The following AGBL1 variants were observed in gnomAD, a reference collection of about 807,000 sequenced individuals.
AGBL1 encodes AGBL carboxypeptidase 1.
A neutral mutation model predicts 118.9 loss-of-function variants in AGBL1; 130 were observed. The ratio of observed to expected loss-of-function variants is 1.09; its 90% CI spans 0.95 to 1.26. The LOEUF is 1.26. Ranked by LOEUF, AGBL1 falls within the 50% of genes most tolerant of loss-of-function variation. AGBL1 has a pLI of 0.00. For missense variants in AGBL1, 1,584 were observed against 1,298.1 expected, an observed-to-expected ratio of 1.22 and a Z score of -3.38; for synonymous variants, 555 against 478.9, an observed-to-expected ratio of 1.16 and a Z score of -2.08.
rs181525463 is a variant in AGBL1 at position 86,259,679 on chromosome 15, C to T, written c.969+1648C>T. Among the ~76,000 whole-genome samples the T allele has an allele frequency of 3.3e-5, 5 of 152,326 alleles. No homozygotes were observed. In the East Asian group the frequency reaches 7.7e-4, roughly 24 times the overall value. ...AAATAGAATCATTTCTGAAGTCATCCGTAGCAAATTGGATCTTTGCTGTGG... is the reference window on the plus strand; with the variant it reads ...AAATAGAATCATTTCTGAAGTCATCTGTAGCAAATTGGATCTTTGCTGTGG... On this transcript the variant is annotated intron_variant, in intron 9 of 22. Coordinates refer to ENST00000614907, the MANE Select transcript of AGBL1 (RefSeq NM_001386094.1).
intron 1 of AGBL1, among the ~76,000 whole-genome samples, chr15:86,123,327 C>A (rs544691357): frequency 1.3e-5 from 2 of 152,296 alleles, no homozygotes; most frequent in African/African-American, 4.8e-5. Flanking sequence ...GCAACCTCTG[C>A]CTCCCAGGTT....
chr15:86,475,389 G>A (rs543359404), intron 18 of AGBL1, among the ~76,000 whole-genome samples: 152 of 152,284 alleles, frequency 1.0e-3, no homozygotes, highest in African/African-American at 3.6e-3. Context: ...ATGACCTGAT[G>A]GAGCTGAAAA....
intron 22 of AGBL1, among the ~76,000 whole-genome samples, chr15:86,855,480 T>C (rs1270469389): frequency 6.6e-6 from 1 of 152,206 alleles, no homozygotes; most frequent in African/African-American, 2.4e-5. Context: ...CCAGTAGATC[T>C]CTTGCTGAAT....
intron 5 of AGBL1, among the ~76,000 whole-genome samples, chr15:86,197,621 A>G (rs1489434166): frequency 1.3e-5 from 2 of 152,360 alleles, no homozygotes; most frequent in East Asian, 3.9e-4. Context: ...AAATTGACAA[A>G]GGAATTGTTA....
intron 18 of AGBL1, among the ~76,000 whole-genome samples, chr15:86,411,392 A>T (rs1460897368): frequency 1.3e-5 from 2 of 152,084 alleles, no homozygotes; most frequent in Non-Finnish European, 2.9e-5. Context: ...ATTGCCCGAG[A>T]GCCTTCTGCT....
chr15:86,613,251 T>G lies in AGBL1; in HGVS notation c.2994+58714T>G, dbSNP rs959178805. On this transcript the variant is annotated intron_variant, in intron 21 of 22. Coordinates refer to ENST00000614907, the MANE Select transcript of AGBL1 (RefSeq NM_001386094.1). This position sits in a 1 kb window ranked among gnomAD's most constrained non-coding sequence, Gnocchi z 4.2. ...AGCAGGAATCGGAGCGAGAGGTTTG[T>G]TGGTTTTGGAACGTAAGATCCCAAA... 6.6e-6 allele frequency among the ~76,000 whole-genome samples: 1 copy of G among 152,188 alleles called. No homozygotes were observed. The highest frequency in any genetic ancestry group is 1.9e-4 in the East Asian group (1 of 5,184).
chr15:86,497,907 G>C, intron 18 of AGBL1, among the ~76,000 whole-genome samples: 2 of 151,832 alleles, frequency 1.3e-5, no homozygotes, highest in East Asian at 3.9e-4. Flanking sequence ...TCAATATTTA[G>C]ATATTTCTTG....
intron 19 of AGBL1, among the ~76,000 whole-genome samples, chr15:86,536,477 A>C (rs972697210): frequency 2.0e-5 from 3 of 151,884 alleles, no homozygotes; most frequent in Non-Finnish European, 4.4e-5. Context: ...CACCTGGCTA[A>C]TTTTTGTATT....
chr15:86,153,415 A>G (rs2077143112), intron 3 of AGBL1, among the ~76,000 whole-genome samples: 1 of 152,174 alleles, frequency 6.6e-6, no homozygotes, highest in South Asian at 2.1e-4. Flanking sequence ...ACAAGGACAG[A>G]AAACCAAACA....
At chr15:86,243,449 A>T (rs1307020017) in intron 6 of AGBL1, among the ~76,000 whole-genome samples, 1 of 152,212 alleles carries the variant, frequency 6.6e-6, no homozygotes, top group Admixed American at 6.5e-5. Context: ...ACCTGGAGAG[A>T]TAAGCAGAAA....
chr15:86,738,628 T>C (rs749659301), intron 22 of AGBL1, among the ~76,000 whole-genome samples: 1 of 152,216 alleles, frequency 6.6e-6, no homozygotes, highest in Non-Finnish European at 1.5e-5. Flanking sequence ...TTATGCATTA[T>C]TGCCAATATT....
chr15:86,233,812 A>G (rs890714827), intron 6 of AGBL1, among the ~76,000 whole-genome samples: 1 of 152,168 alleles, frequency 6.6e-6, no homozygotes. Context: ...TAACAGACCT[A>G]ATGAAACAAT....
intron 6 of AGBL1, 41 bp downstream of exon 6, chr15:86,224,992 T>C: frequency 1.3e-6 from 2 of 1,596,190 alleles, no homozygotes; most frequent in South Asian, 2.2e-5. Context: ...CTCTCCACTC[T>C]GGGTTTAATG....
At chr15:86,211,467 G>C (rs1398530570) in intron 5 of AGBL1, among the ~76,000 whole-genome samples, 1 of 152,220 alleles carries the variant, frequency 6.6e-6, no homozygotes, top group Non-Finnish European at 1.5e-5. Context: ...GAGGCAGCAG[G>C]CCTTGCAGCG....
At chr15:86,172,017 A>C (rs982220391) in intron 5 of AGBL1, among the ~76,000 whole-genome samples, 1 of 152,236 alleles carries the variant, frequency 6.6e-6, no homozygotes, top group Non-Finnish European at 1.5e-5. Context: ...AAGAATGTTA[A>C]AATGGACTTT....
intron 7 of AGBL1, among the ~76,000 whole-genome samples, chr15:86,252,268 C>G (rs2078828869): frequency 6.6e-6 from 1 of 152,226 alleles, no homozygotes. Flanking sequence ...AGGCTCCTCT[C>G]TGGCCAACAA....
At chr15:86,178,054 C>A (rs2077504788) in intron 5 of AGBL1, among the ~76,000 whole-genome samples, 1 of 152,170 alleles carries the variant, frequency 6.6e-6, no homozygotes, top group Admixed American at 6.5e-5. Context: ...TGGTTCACAC[C>A]TGTAATCCCA....
intron 22 of AGBL1, among the ~76,000 whole-genome samples, chr15:86,841,662 A>G (rs903707209): frequency 1.3e-5 from 2 of 152,018 alleles, no homozygotes; most frequent in African/African-American, 2.4e-5. Context: ...CCTGACCAAC[A>G]TGGAAAAAAC....
chr15:86,250,482 C>T (rs1029996371), intron 7 of AGBL1, among the ~76,000 whole-genome samples: 3 of 119,898 alleles, frequency 2.5e-5, no homozygotes, highest in Admixed American at 2.3e-4. Flanking sequence ...GTTGAGATCA[C>T]ACCATTGCAC....
Sources: allele counts gnomAD v4.1 joint callset (sites outside exome capture counted in the v4.1 genomes callset), GRCh38; gene constraint gnomAD v4.1.1; non-coding constraint Gnocchi (gnomAD v3.1); transcripts MANE v1.5; gene names NCBI Gene and HGNC (gene_info 2026-07-23, HGNC 2026-07-21).